The following GNAI1 variants were observed in gnomAD, a reference collection of about 807,000 sequenced individuals.
GNAI1 encodes G protein subunit alpha i1.
A neutral mutation model predicts 38.9 loss-of-function variants in GNAI1; 11 were observed. The ratio of observed to expected loss-of-function variants is 0.28; its 90% CI spans 0.18 to 0.47. GNAI1 has a LOEUF of 0.47. Ranked by LOEUF, GNAI1 falls within the 20% of genes least tolerant of loss-of-function variation. GNAI1 has a pLI of 0.99. For synonymous variants in GNAI1, 166 were observed against 145.1 expected (o/e 1.14, Z -1.04); for missense variants, 317 against 436.9 (o/e 0.73, Z 2.45).
chr7:80,212,603 A>G (rs1271754566), intron 6 of GNAI1, 113 bp from the exon 7 acceptor site: 2 of 576,390 alleles, frequency 3.5e-6, no homozygotes, highest in Non-Finnish European at 5.9e-6. Context: ...TTTTTGTGAT[A>G]CGTATTTTTC....
intron 1 of GNAI1, among the ~76,000 whole-genome samples, chr7:80,153,583 T>C (rs1000271970): frequency 1.3e-5 from 2 of 152,160 alleles, no homozygotes; most frequent in African/African-American, 4.8e-5. Context: ...AGTGTAAATA[T>C]ACAAGGGAGT....
In GNAI1 at chr7:80,156,080, A is replaced by T. The variant is rs113129216; in HGVS notation, c.118+20802A>T. On this transcript the variant is annotated intron_variant, in intron 1 of 7. Coordinates refer to ENST00000649796, the MANE Select transcript of GNAI1 (RefSeq NM_002069.6). ...AAAAAAAAAGAAAGAAAGCAAGCTG[A>T]TGTACATATCAGCAAGCAAGTCTGC... Among the ~76,000 whole-genome samples the T allele has an allele frequency of 1.6e-3, 236 of 150,430 alleles. 1 individual carries two copies. The highest frequency in any genetic ancestry group is 5.3e-3 in the African/African-American group (216 of 41,060).
intron 5 of GNAI1, among the ~76,000 whole-genome samples, chr7:80,206,084 G>A (rs991848836): frequency 6.6e-6 from 1 of 151,998 alleles, no homozygotes; most frequent in South Asian, 2.1e-4. Flanking sequence ...TATATGCAAC[G>A]ATACTTCTGA....
intron 1 of GNAI1, among the ~76,000 whole-genome samples, chr7:80,175,941 A>G (rs545647444): frequency 2.6e-5 from 4 of 152,332 alleles, no homozygotes; most frequent in African/African-American, 9.6e-5. Context: ...AAGAGTCACA[A>G]GTCTCTCAGT....
chr7:80,178,884 T>C (rs1788242066), intron 1 of GNAI1, among the ~76,000 whole-genome samples: 1 of 152,208 alleles, frequency 6.6e-6, no homozygotes, highest in South Asian at 2.1e-4. Flanking sequence ...TTACCACTTC[T>C]CAAATTACGA....
chr7:80,140,998 G>C (rs1317405877), intron 1 of GNAI1, among the ~76,000 whole-genome samples: 1 of 152,092 alleles, frequency 6.6e-6, no homozygotes, highest in Non-Finnish European at 1.5e-5. Flanking sequence ...TTCTCATGTG[G>C]CATCACTCTC....
intron 5 of GNAI1, among the ~76,000 whole-genome samples, chr7:80,210,108 C>A (rs549977236): frequency 6.6e-6 from 1 of 152,172 alleles, no homozygotes; most frequent in African/African-American, 2.4e-5. Context: ...AAAAATGTAC[C>A]AGTTCGCATA....
chr7:80,196,982 C>G (rs527985794), intron 3 of GNAI1, among the ~76,000 whole-genome samples: 7 of 151,956 alleles, frequency 4.6e-5, no homozygotes, highest in African/African-American at 1.7e-4. Flanking sequence ...TTTTAATTAG[C>G]TACAGTCCTC....
At chr7:80,194,653 C>T (rs1164918395) in intron 3 of GNAI1, among the ~76,000 whole-genome samples, 1 of 151,982 alleles carries the variant, frequency 6.6e-6, no homozygotes, top group African/African-American at 2.4e-5. Flanking sequence ...TAAGGATGCA[C>T]ATTATTTTAT....
intron 1 of GNAI1, among the ~76,000 whole-genome samples, chr7:80,150,828 T>G (rs1239934764): frequency 1.3e-5 from 2 of 152,208 alleles, no homozygotes; most frequent in African/African-American, 4.8e-5. Context: ...TACTCCTTAT[T>G]GCATTGCATT....
In GNAI1 at chr7:80,221,102, GTGTTA is replaced by G. The variant is rs1789065160; in HGVS notation, c.*3614_*3618del. ...GATGGTAGCATCATCATTGCTTAGT[GTGTTA>G]TGTTGGAAGTAGAAAGTGATGGTGA... is the stretch of plus-strand genomic sequence containing the variant. On this transcript the variant is annotated 3_prime_UTR_variant, in exon 8 of 8. Coordinates refer to ENST00000649796, the MANE Select transcript of GNAI1 (RefSeq NM_002069.6). Among the ~76,000 whole-genome samples the G allele has an allele frequency of 6.6e-6, 1 of 152,114 alleles. No individual in the cohort carries two copies. The highest frequency in any genetic ancestry group is 1.5e-5 in the Non-Finnish European group (1 of 68,032).
chr7:80,136,280 T>C (rs1005132999), intron 1 of GNAI1, among the ~76,000 whole-genome samples: 6 of 152,210 alleles, frequency 3.9e-5, no homozygotes, highest in Admixed American at 1.3e-4. Flanking sequence ...TCTAGGTATT[T>C]AGATAGATGA....
At chr7:80,214,446 A>G (rs1294664112) in intron 7 of GNAI1, among the ~76,000 whole-genome samples, 1 of 152,168 alleles carries the variant, frequency 6.6e-6, no homozygotes, top group Non-Finnish European at 1.5e-5. Flanking sequence ...TTGTATACCT[A>G]CGGGGATTTT....
intron 1 of GNAI1, among the ~76,000 whole-genome samples, chr7:80,141,849 C>T (rs538900374): frequency 2.0e-5 from 3 of 152,180 alleles, no homozygotes; most frequent in Non-Finnish European, 4.4e-5. Context: ...CTGCTTTCCA[C>T]GTAACTGCTG....
At chr7:80,211,620 T>C (rs1788874790) in intron 6 of GNAI1, among the ~76,000 whole-genome samples, 1 of 152,108 alleles carries the variant, frequency 6.6e-6, no homozygotes, top group Non-Finnish European at 1.5e-5. Flanking sequence ...GGTTTCACCA[T>C]GTTGGCCAGG....
At chr7:80,143,750 G>A (rs918951558) in intron 1 of GNAI1, among the ~76,000 whole-genome samples, 1 of 152,116 alleles carries the variant, frequency 6.6e-6, no homozygotes, top group Non-Finnish European at 1.5e-5. Flanking sequence ...TGCATCTGAA[G>A]TACTTAGAAT....
chr7:80,210,883 T>A, intron 5 of GNAI1, 86 bp from the exon 6 acceptor site: 1 of 1,161,890 alleles, frequency 8.6e-7, no homozygotes, highest in South Asian at 1.4e-5. Context: ...CCACAACTAT[T>A]CAGAGCTTTT....
At chr7:80,155,819 G>T (rs1043473453) in intron 1 of GNAI1, among the ~76,000 whole-genome samples, 1 of 152,048 alleles carries the variant, frequency 6.6e-6, no homozygotes, top group African/African-American at 2.4e-5. Flanking sequence ...CACTTTGGGA[G>T]GCTGAGGCGG....
intron 1 of GNAI1, among the ~76,000 whole-genome samples, chr7:80,145,329 T>G (rs1410881356): frequency 6.6e-6 from 1 of 152,166 alleles, no homozygotes; most frequent in Non-Finnish European, 1.5e-5. Flanking sequence ...TAGGCAGTCA[T>G]GTAACCATAT....
Sources: gnomAD v4.1 joint callset for allele counts (sites outside exome capture counted in the v4.1 genomes callset) on GRCh38, gnomAD v4.1.1 for gene constraint, MANE v1.5 for transcripts, NCBI Gene and HGNC (gene_info 2026-07-23, HGNC 2026-07-21) for gene names.